PLEKHG4: variants seen among roughly 807,000 people sequenced by gnomAD.
The protein encoded by PLEKHG4 is pleckstrin homology and RhoGEF domain containing G4.
PLEKHG4 carries 85 observed loss-of-function variants against 136.9 expected under a neutral mutation model. That is an observed-to-expected ratio of 0.62 (90% CI 0.52 to 0.74). The LOEUF (loss-of-function observed/expected upper bound fraction) is 0.74, where lower values mean the gene tolerates loss of function less well. PLEKHG4 is among the 30% of genes least tolerant of loss of function. PLEKHG4 has a pLI of 0.00. For missense variants in PLEKHG4, 1,317 were observed against 1,527.8 expected, an observed-to-expected ratio of 0.86 and a Z score of 2.30; for synonymous variants, 577 against 646.9, an observed-to-expected ratio of 0.89 and a Z score of 1.64.
In PLEKHG4 at chr16:67,282,014, GGAAGCT is replaced by G. The variant is rs1453516710; in HGVS notation, c.1012_1017del (p.Glu338_Ala339del). 1 of 1,613,156 alleles carries G rather than the reference GGAAGCT, an allele frequency of 6.2e-7. No individual in the cohort carries two copies. Among genetic ancestry groups the G allele is most frequent in the South Asian group, 1.1e-5 (1 of 91,076 alleles). ...ATGCCTGCCCCTGCTTACAGCGGCT[GGAAGCT>G]CTACTACAGAACTGCCAGGCAGCTT... On this transcript the variant is annotated inframe_deletion, in exon 8 of 22. Coordinates refer to ENST00000379344, the MANE Select transcript of PLEKHG4 (RefSeq NM_001129729.3).
chr16:67,285,411 G>A lies in PLEKHG4; in HGVS notation c.2317G>A (p.Gly773Ser), dbSNP rs763163867. 23 of 1,614,212 alleles carry A rather than the reference G, an allele frequency of 1.4e-5. No individual in the cohort carries two copies. The highest frequency in any genetic ancestry group is 8.9e-5 in the East Asian group (4 of 44,894). ...CCCCGATGTGCCCCAGGGCCTCCGC[G>A]GTCAGCGTGCCCACCTCTTTGGCAA... ...DRPDVPQGLRGQRAHLFGNLE... is the reference protein window; with the variant it reads ...DRPDVPQGLRSQRAHLFGNLE... The change falls in exon 14 of 22, where the codon GGT becomes AGT. Residue 773 changes from glycine to serine, a missense_variant. Transcript: ENST00000379344.
In PLEKHG4 at chr16:67,284,416, C is replaced by T. The variant is rs1467046011; in HGVS notation, c.1651C>T (p.Arg551Trp). 1.1e-5 allele frequency: 17 copies of T among 1,613,714 alleles called. No homozygotes were observed. Among genetic ancestry groups the T allele is most frequent in the South Asian group, 2.2e-5 (2 of 91,066 alleles). ...FSRALAQRCQRLADAERLFQL... is the reference protein window; with the variant it reads ...FSRALAQRCQWLADAERLFQL... ...TAGGGCTTTGGCCCAGCGGTGCCAG[C>T]GGCTGGCGGATGCTGAGAGGCTGTT... is the stretch of plus-strand genomic sequence containing the variant. Residue 551 changes from arginine to tryptophan, a missense_variant, in exon 12 of 22, where the codon CGG (arginine) becomes TGG (tryptophan). Physicochemically the swap from Arg to Trp is moderately radical, Grantham distance 101 (BLOSUM62 -3). Coordinates refer to ENST00000379344, the MANE Select transcript of PLEKHG4 (RefSeq NM_001129729.3). The surrounding 1 kb of genome is among the most constrained non-coding windows in gnomAD (Gnocchi z 4.4).
In PLEKHG4 at chr16:67,287,118, A is replaced by G. The variant is rs974204758; in HGVS notation, c.3044A>G (p.Lys1015Arg). 1.9e-6 allele frequency: 3 copies of G among 1,612,234 alleles called. No homozygotes were observed. The highest frequency in any genetic ancestry group is 2.5e-6 in the Non-Finnish European group (3 of 1,180,026). The part of the protein sequence containing the change: ...FVLQASSLAI[K>R]QAWTADISHL... ...CTGCAGGCCTCCAGCCTGGCTATCA[A>G]GCAGGCCTGGACAGCTGACATCTCC... The change falls in exon 18 of 22, where the codon AAG becomes AGG. Residue 1015 changes from lysine (K) to arginine (R), a missense_variant. Lys to Arg is a conservative substitution (Grantham distance 26, BLOSUM62 2). Transcript: ENST00000379344.
Position 67,281,818 on chromosome 16 carries a change from C to T in PLEKHG4, c.986C>T (p.Ala329Val). ...LGGGLPYCHQ[A>V]WLDFRRRLEA... ...GGAGGCCTGCCTTACTGCCACCAGG[C>T]CTGGCTGGATTTCCGAAGGGTCAGT... Residue 329 changes from alanine to valine, a missense_variant, in exon 7 of 22, where the codon GCC becomes GTC. Coordinates refer to ENST00000379344, the MANE Select transcript of PLEKHG4 (RefSeq NM_001129729.3). The T allele has an allele frequency of 6.2e-7, 1 of 1,613,214 alleles. No homozygotes were observed. The highest frequency in any genetic ancestry group is 8.5e-7 in the Non-Finnish European group (1 of 1,179,896).
Position 67,288,411 on chromosome 16 carries a change from G to A in PLEKHG4, c.3454+11G>A, listed in dbSNP as rs777448184. 8 of 1,612,260 alleles carry A rather than the reference G, an allele frequency of 5.0e-6. No homozygotes were observed. Among genetic ancestry groups the A allele is most frequent in the Non-Finnish European group, 5.1e-6 (6 of 1,179,432 alleles). ...GCCAGCCCTCTTTGAGTATGTCTGG[G>A]CCTAGCCAGAGGCAGGAGGGCATGG... On this transcript the variant is annotated intron_variant, in intron 20 of 21. Coordinates refer to ENST00000379344, the MANE Select transcript of PLEKHG4 (RefSeq NM_001129729.3).
At position 67,284,356 on chromosome 16, in the gene PLEKHG4, T is replaced by G; in HGVS notation, c.1591T>G (p.Phe531Val). Residue 531 changes from phenylalanine (F) to valine (V), a missense_variant, in exon 12 of 22, where the codon TTT (phenylalanine) becomes GTT (valine). Coordinates refer to ENST00000379344, the MANE Select transcript of PLEKHG4 (RefSeq NM_001129729.3). This position sits in a 1 kb window ranked among gnomAD's most constrained non-coding sequence, Gnocchi z 4.4. ...AAELDPPGARFLALRAQLTEF... is the reference protein window; with the variant it reads ...AAELDPPGARVLALRAQLTEF... Reference sequence around the variant, plus strand: ...TGAACTGGACCCCCCTGGGGCACGCTTTCTGGCCCTGCGAGCCCAGCTGAC... The same window carrying G: ...TGAACTGGACCCCCCTGGGGCACGCGTTCTGGCCCTGCGAGCCCAGCTGAC... 1 of 1,614,018 alleles carries G rather than the reference T, an allele frequency of 6.2e-7. No homozygotes were observed. The highest frequency in any genetic ancestry group is 2.2e-5 in the East Asian group (1 of 44,874).
chr16:67,279,748 A>C (rs1190608381), intron 1 of PLEKHG4, 122 bp downstream of exon 1: 1 of 324,436 alleles, frequency 3.1e-6, no homozygotes, highest in African/African-American at 2.1e-5. Context: ...GGCCGCCCCC[A>C]CGGGCATGGG....
At position 67,286,277 on chromosome 16, in the gene PLEKHG4, G is replaced by T; in HGVS notation, c.2446G>T (p.Val816Leu). ...RVAYAFLRHRVQFGMYALYSK... is the reference protein window; with the variant it reads ...RVAYAFLRHRLQFGMYALYSK... The stretch of plus-strand genomic sequence containing the variant: ...GCTGAGCCACATGTCCTTGTAGAGG[G>T]TGCAGTTTGGGATGTACGCGCTCTA... Residue 816 changes from valine (V) to leucine (L), a missense_variant, in exon 15 of 22, where the codon GTG (valine) becomes TTG (leucine). By Grantham distance (32) the Val-to-Leu change is conservative (BLOSUM62 1). Coordinates refer to ENST00000379344, the MANE Select transcript of PLEKHG4 (RefSeq NM_001129729.3). 2 of 1,612,076 alleles carry T rather than the reference G, an allele frequency of 1.2e-6. No homozygotes were observed. The highest frequency in any genetic ancestry group is 1.7e-6 in the Non-Finnish European group (2 of 1,178,132).
In PLEKHG4 at chr16:67,284,626, T is replaced by G. The variant is rs1489587746; in HGVS notation, c.1693-87T>G. ...GGGCTGTGTCCTGGACAGCATCCTG[T>G]GGGGATGGGGAGTGGGTAGAGGAGC... On this transcript the variant is annotated intron_variant, in intron 12 of 21. Coordinates refer to ENST00000379344, the MANE Select transcript of PLEKHG4 (RefSeq NM_001129729.3). The surrounding 1 kb of genome is among the most constrained non-coding windows in gnomAD (Gnocchi z 4.4). The G allele has an allele frequency of 5.9e-6, 9 of 1,525,396 alleles. No individual in the cohort carries two copies. Among genetic ancestry groups the G allele is most frequent in the Admixed American group, 1.8e-5 (1 of 55,386 alleles). 94.5% of individuals were successfully genotyped at this position (1,525,396 alleles called of 1,614,324 possible). A position where few individuals can be genotyped will look rare whatever the true frequency, so the allele number is the denominator to read the frequency against.
In PLEKHG4 at chr16:67,288,335, A is replaced by G; in HGVS notation, c.3389A>G (p.Tyr1130Cys). Residue 1130 changes from tyrosine to cysteine, a missense_variant, in exon 20 of 22, where the codon TAT becomes TGT. By Grantham distance (194) the Tyr-to-Cys change is radical. Transcript: ENST00000379344. ...PALLGLRCPL[Y>C]PSFPEEAALE... is the part of the protein sequence containing the mutation. ...CTTCTGGGTCTCCGCTGTCCCCTGT[A>G]TCCCAGCTTCCCAGAGGAAGCAGCA... 1.2e-6 allele frequency: 2 copies of G among 1,612,100 alleles called. No homozygotes were observed. Among genetic ancestry groups the G allele is most frequent in the Non-Finnish European group, 8.5e-7 (1 of 1,180,000 alleles).
intron 21 of PLEKHG4, 22 bp downstream of exon 21, chr16:67,288,626 C>A (rs540811114): frequency 6.2e-7 from 1 of 1,613,294 alleles, no homozygotes; most frequent in Admixed American, 1.7e-5. Context: ...TTGCCCTATA[C>A]CCACCAGCCC....
intron 11 of PLEKHG4, among the ~76,000 whole-genome samples, chr16:67,283,844 G>A (rs1025678577): frequency 2.0e-5 from 3 of 152,074 alleles, no homozygotes; most frequent in African/African-American, 4.8e-5. Flanking sequence ...CTGGGAGAGC[G>A]AGTGCACTGT....
chr16:67,280,621 C>G lies in PLEKHG4; in HGVS notation c.499+78C>G. The G allele has an allele frequency of 1.2e-6, 2 of 1,611,340 alleles. No individual in the cohort carries two copies. The highest frequency in any genetic ancestry group is 1.7e-6 in the Non-Finnish European group (2 of 1,177,952). ...AGATGAGTGTCAAGACTTTGGAGGT[C>G]TCTGACCCTACTCAGGCTGAAGCCC... is the stretch of plus-strand genomic sequence containing the variant. On this transcript the variant is annotated intron_variant, in intron 2 of 21. Coordinates refer to ENST00000379344, the MANE Select transcript of PLEKHG4 (RefSeq NM_001129729.3). The surrounding 1 kb of genome is among the most constrained non-coding windows in gnomAD (Gnocchi z 4.4).
chr16:67,284,449 T>C lies in PLEKHG4; in HGVS notation c.1684T>C (p.Phe562Leu), dbSNP rs1238387393. Reference protein sequence around the residue: ...LADAERLFQLFREALTWAEEG... With the variant: ...LADAERLFQLLREALTWAEEG... ...GGATGCTGAGAGGCTGTTTCAGCTC[T>C]TCAGGGAGGTGGGTGAGAGTCTCCC... Residue 562 changes from phenylalanine to leucine, a missense_variant, in exon 12 of 22, where the codon TTC becomes CTC. Phe to Leu is a conservative substitution (Grantham distance 22). Coordinates refer to ENST00000379344, the MANE Select transcript of PLEKHG4 (RefSeq NM_001129729.3). This position sits in a 1 kb window ranked among gnomAD's most constrained non-coding sequence, Gnocchi z 4.4. 4 of 1,613,776 alleles carry C rather than the reference T, an allele frequency of 2.5e-6. No individual in the cohort carries two copies. The highest frequency in any genetic ancestry group is 3.4e-6 in the Non-Finnish European group (4 of 1,179,890).
rs373844590 is a variant in PLEKHG4 at position 67,286,825 on chromosome 16, G to A, written c.2831G>A (p.Arg944His). The A allele has an allele frequency of 1.4e-5, 23 of 1,613,882 alleles. No homozygotes were observed. The highest frequency in any genetic ancestry group is 1.2e-4 in the South Asian group (11 of 91,090). ...CGCACTGGGCGCCACAAGTCCGTGC[G>A]CCGCATCTTCCTTTTTGAGGAGCTG... ...VVRTGRHKSVRRIFLFEELLL... is the reference protein window; with the variant it reads ...VVRTGRHKSVHRIFLFEELLL... The change falls in exon 17 of 22, where the codon CGC (arginine) becomes CAC (histidine). Residue 944 changes from arginine (R) to histidine (H), a missense_variant. By Grantham distance (29) the Arg-to-His change is conservative. Coordinates refer to ENST00000379344, the MANE Select transcript of PLEKHG4 (RefSeq NM_001129729.3).
At position 67,286,803 on chromosome 16, in the gene PLEKHG4, A is replaced by G. The variant is rs769806451; in HGVS notation, c.2809A>G (p.Thr937Ala). 2.5e-6 allele frequency: 4 copies of G among 1,613,888 alleles called. No individual in the cohort carries two copies. The highest frequency in any genetic ancestry group is 1.3e-5 in the African/African-American group (1 of 74,948). ...GCGACAGGATGAGTTTGTGGTGCGC[A>G]CTGGGCGCCACAAGTCCGTGCGCCG... ...LVRQDEFVVR[T>A]GRHKSVRRIF... is the part of the protein sequence containing the mutation. The change falls in exon 17 of 22, where the codon ACT (threonine) becomes GCT (alanine). Residue 937 changes from threonine (T) to alanine (A), a missense_variant. Coordinates refer to ENST00000379344, the MANE Select transcript of PLEKHG4 (RefSeq NM_001129729.3).
intron 18 of PLEKHG4, 88 bp downstream of exon 18, chr16:67,287,265 C>A: frequency 1.4e-6 from 2 of 1,421,304 alleles, no homozygotes; most frequent in East Asian, 2.3e-5. Flanking sequence ...GGGAAAAGCT[C>A]GGGAAGTGGG....
rs149280885 is a variant in PLEKHG4 at position 67,285,055 on chromosome 16, G to A, written c.2035G>A (p.Asp679Asn). 2.8e-5 allele frequency: 45 copies of A among 1,613,418 alleles called. No individual in the cohort carries two copies. Among genetic ancestry groups the A allele is most frequent in the Admixed American group, 1.3e-4 (8 of 60,008 alleles). Residue 679 changes from aspartate to asparagine, a missense_variant, in exon 13 of 22, where the codon GAT becomes AAT. Transcript: ENST00000379344. ...HPPLRKAYSFDRNLGQSLSEP... is the reference protein window; with the variant it reads ...HPPLRKAYSFNRNLGQSLSEP... Reference sequence around the variant, plus strand: ...TCCCCTGAGGAAGGCCTACAGCTTCGATCGGAATCTGGGGCAGAGTCTCAG... The same window carrying A: ...TCCCCTGAGGAAGGCCTACAGCTTCAATCGGAATCTGGGGCAGAGTCTCAG...
rs1452323350 is a variant in PLEKHG4 at position 67,281,825 on chromosome 16, G to A, written c.993G>A (p.Leu331=). The change falls in exon 7 of 22, where the codon CTG becomes CTA. Residue 331 remains leucine (L), a synonymous_variant. Coordinates refer to ENST00000379344, the MANE Select transcript of PLEKHG4 (RefSeq NM_001129729.3). The part of the protein sequence containing the change: ...GGLPYCHQAW[L]DFRRRLEALL... Reference sequence around the variant, plus strand: ...TGCCTTACTGCCACCAGGCCTGGCTGGATTTCCGAAGGGTCAGTACACTGG... The same window carrying A: ...TGCCTTACTGCCACCAGGCCTGGCTAGATTTCCGAAGGGTCAGTACACTGG... 2.5e-6 allele frequency: 4 copies of A among 1,612,768 alleles called. No homozygotes were observed. Among genetic ancestry groups the A allele is most frequent in the South Asian group, 1.1e-5 (1 of 91,082 alleles).
Sources: allele counts gnomAD v4.1 joint callset (sites outside exome capture counted in the v4.1 genomes callset), GRCh38; gene constraint gnomAD v4.1.1; non-coding constraint Gnocchi (gnomAD v3.1); transcripts MANE v1.5; gene names NCBI Gene and HGNC (gene_info 2026-07-23, HGNC 2026-07-21).